SDK1: variants seen among roughly 807,000 people sequenced by gnomAD.
The protein encoded by SDK1 is sidekick cell adhesion molecule 1.
SDK1 carries 157 observed loss-of-function variants against 245.5 expected under a neutral mutation model. That is an observed-to-expected ratio of 0.64 (90% CI 0.56 to 0.73). The LOEUF is 0.73. SDK1 is among the 30% of genes least tolerant of loss of function. The pLI, the probability that SDK1 is intolerant of heterozygous loss-of-function variation, is 0.00. For synonymous variants in SDK1, 1,647 were observed against 1,278.5 expected, an observed-to-expected ratio of 1.29 and a Z score of -6.15; for missense variants, 3,583 against 3,002.3, an observed-to-expected ratio of 1.19 and a Z score of -4.52.
chr7:3,411,392 T>C (rs903301667), intron 1 of SDK1, among the ~76,000 whole-genome samples: 3 of 152,310 alleles, frequency 2.0e-5, no homozygotes, highest in South Asian at 2.1e-4. Context: ...CATACAGTTA[T>C]AAGAATCAGG....
At chr7:3,350,141 T>G (rs755491451) in intron 1 of SDK1, among the ~76,000 whole-genome samples, 7 of 152,216 alleles carry the variant, frequency 4.6e-5, no homozygotes, top group Non-Finnish European at 8.8e-5. Flanking sequence ...TAAGCCATTT[T>G]AAGTCTATCA....
intron 4 of SDK1, among the ~76,000 whole-genome samples, chr7:3,777,799 C>T (rs1359447214): frequency 6.6e-6 from 1 of 152,184 alleles, no homozygotes; most frequent in African/African-American, 2.4e-5. Context: ...TATTACTTTG[C>T]AATCATTATC....
chr7:4,114,774 A>C (rs62438181), intron 25 of SDK1, among the ~76,000 whole-genome samples: 16,289 of 152,220 alleles, frequency 0.11, 949 homozygotes, highest in South Asian at 0.15. Context: ...TCTCTTCCAC[A>C]AGGTGATTCA....
chr7:3,496,973 C>A (rs1782045101), intron 1 of SDK1, among the ~76,000 whole-genome samples: 1 of 152,098 alleles, frequency 6.6e-6, no homozygotes. Context: ...TAATTTCTAT[C>A]CCTCCACATT....
chr7:4,235,660 A>G (rs1297049762), intron 41 of SDK1, among the ~76,000 whole-genome samples: 1 of 152,246 alleles, frequency 6.6e-6, no homozygotes, highest in Non-Finnish European at 1.5e-5. Context: ...GCAATTACAC[A>G]TGCACAGAAA....
intron 1 of SDK1, among the ~76,000 whole-genome samples, chr7:3,349,897 C>G (rs908332773): frequency 1.3e-5 from 2 of 152,134 alleles, no homozygotes; most frequent in African/African-American, 4.8e-5. Flanking sequence ...CCACCGTGCC[C>G]GGCCTAAGAG....
intron 1 of SDK1, among the ~76,000 whole-genome samples, chr7:3,595,171 T>TAATAAA: frequency 6.6e-6 from 1 of 151,964 alleles, no homozygotes; most frequent in Non-Finnish European, 1.5e-5. Context: ...TGTGAGCTTT[T>TAATAAA]TCAGCTAGCT....
intron 14 of SDK1, among the ~76,000 whole-genome samples, chr7:3,989,442 C>T (rs1784126920): frequency 6.6e-6 from 1 of 152,174 alleles, no homozygotes; most frequent in African/African-American, 2.4e-5. Flanking sequence ...ACACAGGTGA[C>T]CCACATCACC....
chr7:3,496,210 G>A (rs970813450), intron 1 of SDK1, among the ~76,000 whole-genome samples: 3 of 152,068 alleles, frequency 2.0e-5, no homozygotes, highest in Non-Finnish European at 4.4e-5. Flanking sequence ...GACCTGTCTC[G>A]TGGGATCGCT....
rs753796913 is a variant in SDK1, at chr7:4,210,029, T to C, written c.5406T>C (p.Pro1802=). The stretch of plus-strand genomic sequence containing the variant: ...CTTTGTGTTCTATTCTCCCAGCCCC[T>C]GGGGCCCCCAGCTTTCTGGCGTTCT... ...PQQGRTHQAA[P]GAPSFLAFSE... The change falls in exon 38 of 45, where the codon CCT becomes CCC. Residue 1802 remains proline, a synonymous_variant. Coordinates refer to ENST00000404826, the MANE Select transcript of SDK1 (RefSeq NM_152744.4). 4.4e-6 allele frequency: 7 copies of C among 1,583,554 alleles called. No homozygotes were observed. In the Admixed American group the frequency reaches 1.1e-4, roughly 25 times the overall value.
chr7:3,412,521 T>G (rs1299444201), intron 1 of SDK1, among the ~76,000 whole-genome samples: 1 of 152,226 alleles, frequency 6.6e-6, no homozygotes, highest in Non-Finnish European at 1.5e-5. Flanking sequence ...ATTTAACCAG[T>G]CTCTTGTTCA....
At chr7:4,062,379 G>A (rs1039650653) in intron 19 of SDK1, among the ~76,000 whole-genome samples, 3 of 151,480 alleles carry the variant, frequency 2.0e-5, no homozygotes, top group African/African-American at 7.3e-5. Context: ...ATAAATTCCT[G>A]AACACATACA....
rs150459832 is a variant in SDK1 at position 4,031,845 on chromosome 7, G to A, written c.2602+14493G>A. Among the ~76,000 whole-genome samples the A allele has an allele frequency of 4.7e-3, 715 of 152,106 alleles. 6 individuals carry two copies. Among genetic ancestry groups the A allele is most frequent in the African/African-American group, 0.016 (674 of 41,496 alleles). On this transcript the variant is annotated intron_variant, in intron 17 of 44. Transcript: ENST00000404826. ...AGTTCTAGACCAGCCTGGCCAACAT[G>A]GTGAAACTCTGTCTCTACTGAAAAT...
chr7:3,452,280 G>C (rs1352446209), intron 1 of SDK1, among the ~76,000 whole-genome samples: 3 of 152,068 alleles, frequency 2.0e-5, no homozygotes, highest in African/African-American at 7.2e-5. Flanking sequence ...CAGATTCTTA[G>C]GTGCTGGCTT....
intron 1 of SDK1, among the ~76,000 whole-genome samples, chr7:3,333,999 A>G (rs1341415506): frequency 1.3e-5 from 2 of 152,178 alleles, no homozygotes; most frequent in Non-Finnish European, 2.9e-5. Context: ...ACAAGAGTAA[A>G]GTGGCTACAT....
At chr7:3,656,653 C>A (rs1204715849) in intron 4 of SDK1, among the ~76,000 whole-genome samples, 1 of 152,048 alleles carries the variant, frequency 6.6e-6, no homozygotes, top group African/African-American at 2.4e-5. Flanking sequence ...GTCAGTGGGA[C>A]TCAACCCATA....
rs1404918625 is a variant in SDK1, at chr7:4,158,469, C to T, written c.4647C>T (p.Tyr1549=). ...GCAGACTGAGGCCCTTCACCTCCTA[C>T]AAGCTGCGCCTGAAAGCCACCAACG... The part of the protein sequence containing the change: ...VVDRLRPFTS[Y]KLRLKATNDI... The change falls in exon 31 of 45, where the codon TAC becomes TAT. Residue 1549 remains tyrosine, a synonymous_variant. Transcript: ENST00000404826. The T allele has an allele frequency of 1.9e-6, 3 of 1,613,658 alleles. No homozygotes were observed. Among genetic ancestry groups the T allele is most frequent in the Non-Finnish European group, 8.5e-7 (1 of 1,179,928 alleles).
intron 5 of SDK1, among the ~76,000 whole-genome samples, chr7:3,899,728 C>A (rs750610984): frequency 5.3e-5 from 8 of 152,332 alleles, no homozygotes; most frequent in Middle Eastern, 3.4e-3. Flanking sequence ...AGCATGTGGG[C>A]CATGCTGCAT....
At chr7:3,507,383 G>A (rs566545861) in intron 1 of SDK1, among the ~76,000 whole-genome samples, 1 of 152,232 alleles carries the variant, frequency 6.6e-6, no homozygotes, top group South Asian at 2.1e-4. Context: ...TGATCTCTGT[G>A]TTGTCATGTA....
Sources: allele counts gnomAD v4.1 joint callset (sites outside exome capture counted in the v4.1 genomes callset), GRCh38; gene constraint gnomAD v4.1.1; transcripts MANE v1.5; gene names NCBI Gene and HGNC (gene_info 2026-07-23, HGNC 2026-07-21).